Variants in CYP17A1 observed in about 807,000 individuals in gnomAD.
The protein encoded by CYP17A1 is steroid 17-alpha-hydroxylase/17,20 lyase.
A neutral mutation model predicts 38.5 loss-of-function variants in CYP17A1; 27 were observed. That is an observed-to-expected ratio of 0.70 (90% CI 0.52 to 0.97). The LOEUF is 0.97. Among genes scored for constraint, CYP17A1 ranks in the 50% least tolerant of loss-of-function variants. The pLI, the probability that CYP17A1 is intolerant of heterozygous loss-of-function variation, is 0.00. For synonymous variants in CYP17A1, 263 were observed against 253.3 expected (o/e 1.04, Z -0.36); for missense variants, 549 against 645.9 (o/e 0.85, Z 1.63).
At position 102,835,004 on chromosome 10, in the gene CYP17A1, T is replaced by A; in HGVS notation, c.447A>T (p.Glu149Asp). 6.3e-7 allele frequency: 1 copy of A among 1,590,996 alleles called. No individual in the cohort carries two copies. The highest frequency in any genetic ancestry group is 8.6e-7 in the Non-Finnish European group (1 of 1,163,544). Residue 149 changes from glutamate to aspartate, a missense_variant, in exon 3 of 8, where the codon GAA (glutamate) becomes GAT (aspartate). Glu to Asp is a conservative substitution (Grantham distance 45). Around this residue, in one of 3 missense-constraint regions of CYP17A1, gnomAD observed 289 missense variants for 320.9 expected, o/e 0.90. Coordinates refer to ENST00000369887, the MANE Select transcript of CYP17A1 (RefSeq NM_000102.4). The stretch of plus-strand genomic sequence containing the variant: ...CCAGCATATCACACAATGTACTGAT[T>A]TCCTGACAAACTGAAGGGAGAGGGG... The part of the protein sequence containing the change: ...DQKLEKIICQ[E>D]ISTLCDMLAT...
At chr10:102,834,679 A>T in intron 3 of CYP17A1, 106 bp downstream of exon 3, 1 of 1,544,044 alleles carries the variant, frequency 6.5e-7, no homozygotes, top group South Asian at 1.2e-5. Flanking sequence ...GGTAATCAGG[A>T]AAAAGATGGG....
intron 2 of CYP17A1, 66 bp downstream of exon 2, chr10:102,835,188 C>A: frequency 6.9e-7 from 1 of 1,457,220 alleles, no homozygotes; most frequent in Non-Finnish European, 9.6e-7. Context: ...CCTGCCCAAC[C>A]CTCCTCTCCC....
In CYP17A1 at chr10:102,837,077, C is replaced by A; in HGVS notation, c.285G>T (p.Gly95=). 3 of 1,600,462 alleles carry A rather than the reference C, an allele frequency of 1.9e-6. No individual in the cohort carries two copies. Among genetic ancestry groups the A allele is most frequent in the Non-Finnish European group, 2.6e-6 (3 of 1,168,050 alleles). ...VLIKKGKDFS[G]RPQMATLDIA... The stretch of plus-strand genomic sequence containing the variant: ...GGGCACCACTTACCATTTGAGGCCG[C>A]CCAGAGAAGTCCTTGCCCTTCTTAA... The change falls in exon 1 of 8, where the codon GGG becomes GGT. Residue 95 remains glycine (G), a synonymous_variant. Coordinates refer to ENST00000369887, the MANE Select transcript of CYP17A1 (RefSeq NM_000102.4).
intron 5 of CYP17A1, 79 bp downstream of exon 5, chr10:102,832,914 G>T: frequency 6.3e-7 from 1 of 1,577,324 alleles, no homozygotes. Flanking sequence ...CAGAAAGCCT[G>T]AGAGAATTGG....
chr10:102,833,279 G>T, intron 4 of CYP17A1, 71 bp from the exon 5 acceptor site: 1 of 1,611,332 alleles, frequency 6.2e-7, no homozygotes. Flanking sequence ...CCATACTTCT[G>T]TCCCTGACTA....
At chr10:102,835,095 G>T in intron 2 of CYP17A1, 81 bp from the exon 3 acceptor site, 1 of 1,121,486 alleles carries the variant, frequency 8.9e-7, no homozygotes, top group Non-Finnish European at 1.3e-6. Flanking sequence ...CTTAACAGGA[G>T]CGGGGGACAG....
chr10:102,834,887 G>T lies in CYP17A1; in HGVS notation c.564C>A (p.Tyr188Ter). 1 of 1,614,058 alleles carries T rather than the reference G, an allele frequency of 6.2e-7. No homozygotes were observed. The highest frequency in any genetic ancestry group is 8.5e-7 in the Non-Finnish European group (1 of 1,179,998). The change falls in exon 3 of 8, where the codon TAC (tyrosine) becomes TAA (stop). Residue 188 changes from tyrosine to a stop codon, truncating the protein, a stop_gained. Coordinates refer to ENST00000369887, the MANE Select transcript of CYP17A1 (RefSeq NM_000102.4). LOFTEE classifies it high-confidence loss of function. ...VISLICFNTS[Y>*]KNGDPELNVI... ...CATTCAACTCAGGGTCCCCATTCTT[G>T]TAGGAGGTATTGAAGCAGATCAAGG...
chr10:102,833,266 C>G, intron 4 of CYP17A1, 58 bp from the exon 5 acceptor site: 6 of 1,612,882 alleles, frequency 3.7e-6, no homozygotes, highest in Non-Finnish European at 5.1e-6. Context: ...TGTGACACTC[C>G]TGCCATACTT....
intron 4 of CYP17A1, chr10:102,833,748 G>A (rs1194766163): frequency 2.9e-6 from 1 of 347,510 alleles, no homozygotes; most frequent in Non-Finnish European, 5.3e-6. Context: ...GAGCCATCTT[G>A]CCTGGCCTAG....
chr10:102,833,071 C>G lies in CYP17A1; in HGVS notation c.891G>C (p.Gly297=), dbSNP rs1259584479. 3.7e-6 allele frequency: 6 copies of G among 1,614,154 alleles called. No individual in the cohort carries two copies. Among genetic ancestry groups the G allele is most frequent in the Non-Finnish European group, 5.1e-6 (6 of 1,180,026 alleles). The change falls in exon 5 of 8, where the codon GGG becomes GGC. Residue 297 remains glycine (G), a synonymous_variant. Coordinates refer to ENST00000369887, the MANE Select transcript of CYP17A1 (RefSeq NM_000102.4). ...LSDNHILTTI[G]DIFGAGVETT... Reference sequence around the variant, plus strand: ...TCTCCACGCCAGCCCCAAAGATGTCCCCTATGGTGGTGAGAATGTGGTTAT... The same window carrying G: ...TCTCCACGCCAGCCCCAAAGATGTCGCCTATGGTGGTGAGAATGTGGTTAT...
intron 3 of CYP17A1, chr10:102,834,410 G>A (rs1467286063): frequency 1.8e-6 from 1 of 552,296 alleles, no homozygotes; most frequent in Non-Finnish European, 3.3e-6. Flanking sequence ...GAGTGAGAGA[G>A]ACATGAGCCT....
Position 102,833,052 on chromosome 10 carries a change from C to T in CYP17A1, c.910G>A (p.Val304Met), listed in dbSNP as rs373661758. Reference protein sequence around the residue: ...TTIGDIFGAGVETTTSVVKWT... With the variant: ...TTIGDIFGAGMETTTSVVKWT... The stretch of plus-strand genomic sequence containing the variant: ...TTAACCACAGAGGTGGTGGTCTCCA[C>T]GCCAGCCCCAAAGATGTCCCCTATG... Residue 304 changes from valine (V) to methionine (M), a missense_variant, in exon 5 of 8, where the codon GTG (valine) becomes ATG (methionine). Physicochemically the swap from Val to Met is conservative, Grantham distance 21 (BLOSUM62 1). Around this residue, in one of 3 missense-constraint regions of CYP17A1, gnomAD observed 257 missense variants for 307.9 expected, o/e 0.83. Coordinates refer to ENST00000369887, the MANE Select transcript of CYP17A1 (RefSeq NM_000102.4). The T allele has an allele frequency of 2.8e-5, 46 of 1,614,176 alleles. No individual in the cohort carries two copies. Among genetic ancestry groups the T allele is most frequent in the African/African-American group, 1.3e-4 (10 of 75,034 alleles).
At position 102,830,696 on chromosome 10, in the gene CYP17A1, C is replaced by T. The variant is rs565664423; in HGVS notation, c.*6G>A. The T allele has an allele frequency of 2.5e-5, 39 of 1,549,512 alleles. No individual in the cohort carries two copies. The South Asian group carries it at 3.2e-4, about 13-fold the overall frequency. On this transcript the variant is annotated 3_prime_UTR_variant, in exon 8 of 8. Coordinates refer to ENST00000369887, the MANE Select transcript of CYP17A1 (RefSeq NM_000102.4). This position sits in a 1 kb window ranked among gnomAD's most constrained non-coding sequence, Gnocchi z 4.1. ...TAGGGTGGACAGGGGCTGTGAGTTACAGCCTTTAGGTGCTACCCTCAGCCT... is the reference window on the plus strand; with the variant it reads ...TAGGGTGGACAGGGGCTGTGAGTTATAGCCTTTAGGTGCTACCCTCAGCCT...
chr10:102,832,665 A>C lies in CYP17A1; in HGVS notation c.985T>G (p.Tyr329Asp), dbSNP rs104894144. Residue 329 changes from tyrosine (Y) to aspartate (D), a missense_variant, in exon 6 of 8, where the codon TAC (tyrosine) becomes GAC (aspartate). Coordinates refer to ENST00000369887, the MANE Select transcript of CYP17A1 (RefSeq NM_000102.4). ...LHNPQVKKKL[Y>D]EEIDQNVGFS... ...CCCACATTCTGGTCAATCTCCTCGT[A>C]GAGCTTCTTCTTCACCTGAAGACCA... The C allele has an allele frequency of 6.2e-7, 1 of 1,606,016 alleles. No individual in the cohort carries two copies. The highest frequency in any genetic ancestry group is 8.5e-7 in the Non-Finnish European group (1 of 1,172,584).
intron 7 of CYP17A1, among the ~76,000 whole-genome samples, 179 bp downstream of exon 7, chr10:102,831,328 GA>G (rs1431348781): frequency 6.6e-6 from 1 of 152,312 alleles, no homozygotes; most frequent in African/African-American, 2.4e-5. Flanking sequence ...AAGAGCGTGG[GA>G]AACCCAGCTG....
At position 102,837,333 on chromosome 10, in the gene CYP17A1, A is replaced by G. The variant is rs779723871; in HGVS notation, c.29T>C (p.Leu10Pro). The G allele has an allele frequency of 6.2e-7, 1 of 1,612,926 alleles. No individual in the cohort carries two copies. Among genetic ancestry groups the G allele is most frequent in the Non-Finnish European group, 8.5e-7 (1 of 1,178,868 alleles). The change falls in exon 1 of 8, where the codon CTT (leucine) becomes CCT (proline). Residue 10 changes from leucine to proline, a missense_variant. Physicochemically the swap from Leu to Pro is moderately conservative, Grantham distance 98. This residue lies in a region of CYP17A1 where 289 missense variants were observed against 320.9 expected (regional missense o/e 0.90). Coordinates refer to ENST00000369887, the MANE Select transcript of CYP17A1 (RefSeq NM_000102.4). MWELVALLL[L>P]TLAYLFWPKR... ...GGGCCAAAACAAATAAGCTAGGGTA[A>G]GCAGCAAGAGAGCCACGAGCTCCCA...
rs1376979758 is a variant in CYP17A1, at chr10:102,837,142, C to A, written c.220G>T (p.Val74Leu). ...YSVRMGTKTT[V>L]IVGHHQLAKE... The stretch of plus-strand genomic sequence containing the variant: ...GCCAGCTGGTGGTGGCCGACAATCA[C>A]TGTAGTCTTGGTGCCCATACGAACC... Residue 74 changes from valine (V) to leucine (L), a missense_variant, in exon 1 of 8, where the codon GTG becomes TTG. By Grantham distance (32) the Val-to-Leu change is conservative. Transcript: ENST00000369887. 7 of 1,600,424 alleles carry A rather than the reference C, an allele frequency of 4.4e-6. No homozygotes were observed. In the Admixed American group the frequency reaches 1.0e-4, roughly 23 times the overall value.
In CYP17A1 at chr10:102,837,088, C is replaced by A. The variant is rs1844172495; in HGVS notation, c.274G>T (p.Asp92Tyr). ...AKEVLIKKGKDFSGRPQMATL... is the reference protein window; with the variant it reads ...AKEVLIKKGKYFSGRPQMATL... ...ACCATTTGAGGCCGCCCAGAGAAGTCCTTGCCCTTCTTAATAAGCACCTCC... is the reference window on the plus strand; with the variant it reads ...ACCATTTGAGGCCGCCCAGAGAAGTACTTGCCCTTCTTAATAAGCACCTCC... The change falls in exon 1 of 8, where the codon GAC (aspartate) becomes TAC (tyrosine). Residue 92 changes from aspartate (D) to tyrosine (Y), a missense_variant. This residue lies in a region of CYP17A1 where 289 missense variants were observed against 320.9 expected (regional missense o/e 0.90). Transcript: ENST00000369887. 2.5e-6 allele frequency: 4 copies of A among 1,605,210 alleles called. No individual in the cohort carries two copies. The highest frequency in any genetic ancestry group is 3.4e-6 in the Non-Finnish European group (4 of 1,172,070).
intron 1 of CYP17A1, 185 bp downstream of exon 1, chr10:102,836,880 T>C (rs1844169083): frequency 3.1e-6 from 2 of 638,010 alleles, no homozygotes; most frequent in Non-Finnish European, 5.6e-6. Context: ...CCTTTAATTC[T>C]TCCTGCCTAA....
Sources: allele counts gnomAD v4.1 joint callset (sites outside exome capture counted in the v4.1 genomes callset), GRCh38; gene constraint gnomAD v4.1.1; regional missense constraint gnomAD v4.1.1; non-coding constraint Gnocchi (gnomAD v3.1); transcripts MANE v1.5; gene names NCBI Gene and HGNC (gene_info 2026-07-23, HGNC 2026-07-21).